GALNTL6: variants seen among roughly 807,000 people sequenced by gnomAD.
GALNTL6 encodes polypeptide N-acetylgalactosaminyltransferase like 6.
A neutral mutation model predicts 73.7 loss-of-function variants in GALNTL6; 46 were observed. The ratio of observed to expected loss-of-function variants is 0.62; its 90% confidence interval spans 0.49 to 0.80. The LOEUF (loss-of-function observed/expected upper bound fraction) is 0.80. GALNTL6 is among the 30% of genes least tolerant of loss of function. GALNTL6 has a pLI of 0.00. For synonymous variants in GALNTL6, 259 were observed against 263.7 expected, an observed-to-expected ratio of 0.98 and a Z score of 0.17; for missense variants, 604 against 755.0, an observed-to-expected ratio of 0.80 and a Z score of 2.34.
At chr4:172,909,977 G>A (rs1054609795) in intron 8 of GALNTL6, among the ~76,000 whole-genome samples, 1 of 151,706 alleles carries the variant, frequency 6.6e-6, no homozygotes, top group Non-Finnish European at 1.5e-5. Context: ...ATTTTTACTA[G>A]TATGGAATAA....
At chr4:172,116,185 C>T (rs1005546119) in intron 2 of GALNTL6, among the ~76,000 whole-genome samples, 3 of 151,608 alleles carry the variant, frequency 2.0e-5, no homozygotes, top group Non-Finnish European at 2.9e-5. Context: ...AAGTATATTC[C>T]GTGAATTTTT....
rs1735075092 is a variant in GALNTL6, at chr4:172,177,791, A to ATATATATACACACATATGTGTGTG, written c.139-51851_139-51850insTATGTGTGTGTATATATACACACA. Among the ~76,000 whole-genome samples, 16 of 101,788 alleles carry ATATATATACACACATATGTGTGTG rather than the reference A, an allele frequency of 1.6e-4. No individual in the cohort carries two copies. The East Asian group carries it at 5.0e-3, about 32-fold the overall frequency. The allele number at this position is 101,788 out of a possible 152,430, so 66.8% of individuals were successfully genotyped here. On this transcript the variant is annotated intron_variant, in intron 2 of 12. Coordinates refer to ENST00000506823, the MANE Select transcript of GALNTL6 (RefSeq NM_001034845.3). ...TATGTACACATATATACACATGTGT[A>ATATATATACACACATATGTGTGTG]TATATATACACACACATATATGTGT... is the stretch of plus-strand genomic sequence containing the variant.
At chr4:171,946,210 C>T (rs930454572) in intron 2 of GALNTL6, among the ~76,000 whole-genome samples, 2 of 152,022 alleles carry the variant, frequency 1.3e-5, no homozygotes, top group Non-Finnish European at 1.5e-5. Context: ...CCTTTCATTC[C>T]TGAAAAATAC....
chr4:171,832,982 T>A (rs79623024), intron 2 of GALNTL6, among the ~76,000 whole-genome samples: 2 of 151,818 alleles, frequency 1.3e-5, no homozygotes, highest in East Asian at 3.9e-4. Flanking sequence ...TTTCCATTTT[T>A]AAGCAGCCTT....
At chr4:172,301,182 G>A (rs866329176) in intron 3 of GALNTL6, among the ~76,000 whole-genome samples, 17 of 151,954 alleles carry the variant, frequency 1.1e-4, no homozygotes, top group Non-Finnish European at 2.1e-4. Flanking sequence ...TTGTGCATTC[G>A]TCACGTAGTT....
intron 5 of GALNTL6, among the ~76,000 whole-genome samples, chr4:172,647,286 T>G (rs1448010496): frequency 6.6e-6 from 1 of 152,086 alleles, no homozygotes; most frequent in East Asian, 1.9e-4. Flanking sequence ...ATCTGGCTTT[T>G]CAATATGTTC....
chr4:172,706,087 T>C (rs1734335169), intron 5 of GALNTL6, among the ~76,000 whole-genome samples: 1 of 152,124 alleles, frequency 6.6e-6, no homozygotes, highest in African/African-American at 2.4e-5. Flanking sequence ...CTCAACTCCC[T>C]GTTAAAGACC....
chr4:172,583,770 G>A (rs34913201), intron 5 of GALNTL6, among the ~76,000 whole-genome samples: 69,115 of 151,088 alleles, frequency 0.46, 17,599 homozygotes, highest in East Asian at 0.68. Context: ...GGTGGCACAC[G>A]CCTGTAATCC....
intron 7 of GALNTL6, among the ~76,000 whole-genome samples, chr4:172,834,113 A>G (rs1213663556): frequency 6.6e-6 from 1 of 152,148 alleles, no homozygotes; most frequent in Non-Finnish European, 1.5e-5. Context: ...GGGAAACTCC[A>G]TCTCAAAAAC....
intron 2 of GALNTL6, among the ~76,000 whole-genome samples, chr4:172,206,814 GTTTGTTTTT>G (rs1736140493): frequency 8.6e-5 from 5 of 57,996 alleles, no homozygotes; most frequent in Non-Finnish European, 1.4e-4. Flanking sequence ...TGTTTTTTTT[GTTTGTTTTT>G]TTTTTTTTTT....
intron 2 of GALNTL6, among the ~76,000 whole-genome samples, chr4:171,905,424 A>G (rs1578958462): frequency 6.6e-6 from 1 of 152,246 alleles, no homozygotes; most frequent in Admixed American, 6.5e-5. Context: ...AAAGGGATCA[A>G]TTCAACAAGA....
chr4:172,065,041 T>C (rs1490052320), intron 2 of GALNTL6, among the ~76,000 whole-genome samples: 2 of 152,194 alleles, frequency 1.3e-5, no homozygotes, highest in Admixed American at 1.3e-4. Flanking sequence ...TCAGCAGGTT[T>C]GACCATTAAA....
chr4:171,903,259 A>G (rs1400510081), intron 2 of GALNTL6, among the ~76,000 whole-genome samples: 1 of 152,064 alleles, frequency 6.6e-6, no homozygotes, highest in Admixed American at 6.5e-5. Context: ...GGAGTGCCAG[A>G]CAGTGGGCGC....
At chr4:171,946,606 G>A (rs1318173062) in intron 2 of GALNTL6, among the ~76,000 whole-genome samples, 1 of 152,176 alleles carries the variant, frequency 6.6e-6, no homozygotes, top group African/African-American at 2.4e-5. Context: ...AGACAAATGA[G>A]AGGAGAGTAA....
At chr4:171,869,183 C>G (rs1029928588) in intron 2 of GALNTL6, among the ~76,000 whole-genome samples, 2 of 152,134 alleles carry the variant, frequency 1.3e-5, no homozygotes, top group Non-Finnish European at 2.9e-5. Flanking sequence ...CAGAGGAATG[C>G]CTTGTCCCTA....
At chr4:171,932,347 A>G (rs1448243586) in intron 2 of GALNTL6, among the ~76,000 whole-genome samples, 2 of 152,190 alleles carry the variant, frequency 1.3e-5, no homozygotes, top group African/African-American at 4.8e-5. Flanking sequence ...TTTTTTCCGT[A>G]GTCAACAACC....
intron 5 of GALNTL6, among the ~76,000 whole-genome samples, chr4:172,734,951 G>A (rs1736370704): frequency 6.6e-6 from 1 of 152,160 alleles, no homozygotes; most frequent in Non-Finnish European, 1.5e-5. Context: ...TTAAGGTTTG[G>A]GAACCTCTGA....
intron 2 of GALNTL6, among the ~76,000 whole-genome samples, chr4:172,068,484 C>A (rs1731421998): frequency 9.1e-6 from 1 of 109,820 alleles, no homozygotes; most frequent in South Asian, 2.7e-4. Flanking sequence ...TGCATTCAGG[C>A]CTCTGCATTC....
chr4:172,819,291 G>A (rs1157897007), intron 7 of GALNTL6, among the ~76,000 whole-genome samples: 1 of 152,204 alleles, frequency 6.6e-6, no homozygotes, highest in African/African-American at 2.4e-5. Flanking sequence ...TCTCTTTCTT[G>A]TATAAGAATG....
Sources: allele counts gnomAD v4.1 joint callset (sites outside exome capture counted in the v4.1 genomes callset), GRCh38; gene constraint gnomAD v4.1.1; transcripts MANE v1.5; gene names NCBI Gene and HGNC (gene_info 2026-07-23, HGNC 2026-07-21).